Variants in CACNA2D3 observed in about 807,000 individuals in gnomAD.
CACNA2D3 encodes voltage-dependent calcium channel subunit alpha-2/delta-3.
CACNA2D3 carries 60 observed loss-of-function variants against 160.6 expected under a neutral mutation model. The ratio of observed to expected loss-of-function variants is 0.37; its 90% CI spans 0.30 to 0.46. The LOEUF is 0.46. Among genes scored for constraint, CACNA2D3 ranks in the 20% least tolerant of loss-of-function variants. CACNA2D3 has a pLI of 1.00. For synonymous variants in CACNA2D3, 558 were observed against 492.9 expected (o/e 1.13, Z -1.75); for missense variants, 1,205 against 1,365.0 (o/e 0.88, Z 1.85).
At chr3:54,679,293 T>G (rs1375331573) in intron 11 of CACNA2D3, among the ~76,000 whole-genome samples, 1 of 152,170 alleles carries the variant, frequency 6.6e-6, no homozygotes, top group Non-Finnish European at 1.5e-5. Flanking sequence ...GCTCTAGGCA[T>G]TTTCTTGGGT....
intron 2 of CACNA2D3, among the ~76,000 whole-genome samples, chr3:54,141,924 G>A (rs1406806089): frequency 6.6e-6 from 1 of 152,220 alleles, no homozygotes; most frequent in Non-Finnish European, 1.5e-5. Context: ...AAATAAGATT[G>A]CACCCTCGTG....
At chr3:54,331,065 A>T (rs902046816) in intron 3 of CACNA2D3, among the ~76,000 whole-genome samples, 12 of 152,172 alleles carry the variant, frequency 7.9e-5, no homozygotes, top group Non-Finnish European at 1.8e-4. Flanking sequence ...GAATTTCGTC[A>T]TTGGAGATGG....
chr3:54,155,040 A>T (rs116589343), intron 2 of CACNA2D3, among the ~76,000 whole-genome samples: 1,743 of 152,368 alleles, frequency 0.011, 38 homozygotes, highest in African/African-American at 0.04. Flanking sequence ...AATAACTGCT[A>T]TGAAAACAAA....
intron 35 of CACNA2D3, among the ~76,000 whole-genome samples, chr3:55,024,286 G>C (rs372359960): frequency 4.0e-5 from 6 of 151,478 alleles, no homozygotes; most frequent in African/African-American, 1.5e-4. Flanking sequence ...AGGAGTTAAA[G>C]TGAGAAAATG....
At position 54,411,444 on chromosome 3, in the gene CACNA2D3, G is replaced by GC. The variant is rs1699666643; in HGVS notation, c.381+24670_381+24671insC. On this transcript the variant is annotated intron_variant, in intron 4 of 37. Coordinates refer to ENST00000474759, the MANE Select transcript of CACNA2D3 (RefSeq NM_018398.3). ...TCCAACCTTTAGCAACCATCACCCTGATCAGTCAGCAGCCATCAACATGGA... is the reference window on the plus strand; with the variant it reads ...TCCAACCTTTAGCAACCATCACCCTGCATCAGTCAGCAGCCATCAACATGGA... Among the ~76,000 whole-genome samples the GC allele has an allele frequency of 2.6e-5, 4 of 152,268 alleles. No homozygotes were observed. The South Asian group carries it at 8.3e-4, about 32-fold the overall frequency.
chr3:54,196,869 C>T (rs896756970), intron 2 of CACNA2D3, among the ~76,000 whole-genome samples: 33 of 151,952 alleles, frequency 2.2e-4, no homozygotes, highest in Admixed American at 2.6e-4. Context: ...TGCATGCGTC[C>T]GATACATTAT....
At chr3:54,694,546 TTGG>T (rs1700628099) in intron 11 of CACNA2D3, among the ~76,000 whole-genome samples, 2 of 152,218 alleles carry the variant, frequency 1.3e-5, no homozygotes, top group African/African-American at 2.4e-5. Flanking sequence ...CTATTGACAT[TTGG>T]TGGCCTCAGG....
intron 8 of CACNA2D3, 101 bp from the exon 9 acceptor site, chr3:54,581,700 GAT>G: frequency 1.2e-6 from 1 of 858,056 alleles, no homozygotes; most frequent in Non-Finnish European, 1.9e-6. Flanking sequence ...TGGAGCCTGT[GAT>G]TGTGCCGCTT....
intron 2 of CACNA2D3, among the ~76,000 whole-genome samples, chr3:54,218,481 AC>A (rs767090850): frequency 4.6e-5 from 7 of 152,170 alleles, no homozygotes; most frequent in African/African-American, 7.2e-5. Flanking sequence ...GTCCAATTTG[AC>A]CCTAGGGTGA....
At chr3:54,250,706 G>A (rs1241536823) in intron 2 of CACNA2D3, among the ~76,000 whole-genome samples, 1 of 152,060 alleles carries the variant, frequency 6.6e-6, no homozygotes, top group Non-Finnish European at 1.5e-5. Context: ...AAAGTGCTTG[G>A]CTTACGTAAA....
chr3:54,866,421 A>G (rs1699401823), intron 17 of CACNA2D3, among the ~76,000 whole-genome samples: 1 of 152,118 alleles, frequency 6.6e-6, no homozygotes, highest in Non-Finnish European at 1.5e-5. Flanking sequence ...TGCCTGGGAG[A>G]GAAACATCTG....
chr3:54,955,854 C>T (rs79302987), intron 27 of CACNA2D3, among the ~76,000 whole-genome samples: 1,856 of 152,248 alleles, frequency 0.012, 31 homozygotes, highest in African/African-American at 0.042. Context: ...AGCCTGCTCA[C>T]GAAACCTGGT....
chr3:54,762,926 C>G (rs1399466732), intron 12 of CACNA2D3, among the ~76,000 whole-genome samples: 2 of 151,946 alleles, frequency 1.3e-5, no homozygotes, highest in East Asian at 3.9e-4. Context: ...TCTGTCTCTA[C>G]TAAAAATACA....
intron 14 of CACNA2D3, among the ~76,000 whole-genome samples, chr3:54,824,412 A>G (rs1703705765): frequency 6.6e-6 from 1 of 152,222 alleles, no homozygotes; most frequent in African/African-American, 2.4e-5. Context: ...CTTGGCTTAA[A>G]AATGGAAAAA....
chr3:54,467,444 A>T (rs1700648810), intron 4 of CACNA2D3, among the ~76,000 whole-genome samples: 1 of 152,352 alleles, frequency 6.6e-6, no homozygotes, highest in Non-Finnish European at 1.5e-5. Flanking sequence ...TGAGTCAGCA[A>T]TGATGGGTCT....
intron 32 of CACNA2D3, among the ~76,000 whole-genome samples, chr3:55,005,223 CCAAGATCATGCCACTG>C (rs1703067804): frequency 6.6e-6 from 1 of 151,960 alleles, no homozygotes; most frequent in Non-Finnish European, 1.5e-5. Context: ...TTGCAGTGAG[CCAAGATCATGCCACTG>C]CACTCCAGCC....
intron 11 of CACNA2D3, among the ~76,000 whole-genome samples, chr3:54,699,230 T>G (rs1700720575): frequency 6.6e-6 from 1 of 152,140 alleles, no homozygotes; most frequent in Non-Finnish European, 1.5e-5. Flanking sequence ...ATAGGATGCT[T>G]GGGAGACCTA....
intron 11 of CACNA2D3, among the ~76,000 whole-genome samples, chr3:54,697,353 G>A (rs1484725624): frequency 6.6e-6 from 1 of 152,148 alleles, no homozygotes; most frequent in Non-Finnish European, 1.5e-5. Flanking sequence ...GTCAGACTCA[G>A]GTATCTGCAT....
chr3:54,340,203 C>T (rs1257157004), intron 3 of CACNA2D3, among the ~76,000 whole-genome samples: 2 of 152,194 alleles, frequency 1.3e-5, no homozygotes, highest in African/African-American at 4.8e-5. Context: ...CTACTCACAA[C>T]ATTTTATTAT....
Sources: gnomAD v4.1 joint callset for allele counts (sites outside exome capture counted in the v4.1 genomes callset) on GRCh38, gnomAD v4.1.1 for gene constraint, MANE v1.5 for transcripts, NCBI Gene and HGNC (gene_info 2026-07-23, HGNC 2026-07-21) for gene names.